ARMC2: variants seen among roughly 807,000 people sequenced by gnomAD.
The protein encoded by ARMC2 is armadillo repeat-containing protein 2.
Under a neutral mutation model 90.3 loss-of-function variants are expected in ARMC2, and 67 were observed. The ratio of observed to expected loss-of-function variants is 0.74; its 90% CI spans 0.61 to 0.91. The LOEUF is 0.91. Ranked by LOEUF, ARMC2 falls within the 40% of genes least tolerant of loss-of-function variation. The probability of loss-of-function intolerance (pLI) is 0.00; values close to 1 mark genes in which losing one functional copy is unlikely to be tolerated. For synonymous variants in ARMC2, 393 were observed against 393.0 expected, an observed-to-expected ratio of 1.00 and a Z score of 0.00; for missense variants, 920 against 1,030.9, an observed-to-expected ratio of 0.89 and a Z score of 1.47.
chr6:109,000,293 A>T, the ARMC2 span: 1 of 423,918 alleles, frequency 2.4e-6, no homozygotes, highest in Non-Finnish European at 4.2e-6. Flanking sequence ...TGTGAACTAT[A>T]GAGTTACTAG....
chr6:109,008,631 C>T, the ARMC2 span: 10 of 221,580 alleles, frequency 4.5e-5, no homozygotes, highest in Admixed American at 6.5e-5. Flanking sequence ...ACTCTGACAG[C>T]ACCTGATTTC....
At chr6:108,930,903 C>CTT (rs533786819) in intron 11 of ARMC2, among the ~76,000 whole-genome samples, 1 of 140,262 alleles carries the variant, frequency 7.1e-6, no homozygotes. Context: ...CCCCCACCCC[C>CTT]TTTTTTTTTT....
At position 108,899,708 on chromosome 6, in the gene ARMC2, C is replaced by T. The variant is rs1771931709; in HGVS notation, c.763C>T (p.Leu255=). 1.9e-6 allele frequency: 3 copies of T among 1,613,508 alleles called. No homozygotes were observed. In the South Asian group the frequency reaches 3.3e-5, roughly 18 times the overall value. Residue 255 remains leucine, a synonymous_variant, in exon 7 of 18, where the codon CTG becomes TTG. Transcript: ENST00000392644. ...TTCTTTTGCAGTCCCAAAAGCTGACCTGCAAGAAGAGGACGCAGAAATAGA... is the reference window on the plus strand; with the variant it reads ...TTCTTTTGCAGTCCCAAAAGCTGACTTGCAAGAAGAGGACGCAGAAATAGA... ...LQTKAVPKAD[L]QEEDAEIEVD...
the ARMC2 span, chr6:108,994,408 A>C: frequency 1.4e-6 from 2 of 1,455,636 alleles, no homozygotes; most frequent in Non-Finnish European, 1.9e-6. Context: ...AAATTCTCTA[A>C]ATAAAAAGTT....
At chr6:108,912,100 T>C (rs1324335673) in intron 9 of ARMC2, among the ~76,000 whole-genome samples, 1 of 152,194 alleles carries the variant, frequency 6.6e-6, no homozygotes, top group Non-Finnish European at 1.5e-5. Context: ...AAAAGAATAC[T>C]TTCTCATTTA....
intron 4 of ARMC2, among the ~76,000 whole-genome samples, chr6:108,874,629 T>C (rs1776758453): frequency 6.6e-6 from 1 of 152,134 alleles, no homozygotes; most frequent in South Asian, 2.1e-4. Flanking sequence ...GGCCACATCA[T>C]TTAAAATCTC....
the ARMC2 span, among the ~76,000 whole-genome samples, chr6:109,025,349 T>G: frequency 6.6e-6 from 1 of 151,930 alleles, no homozygotes; most frequent in Admixed American, 6.6e-5. Flanking sequence ...TAAAGTGGGC[T>G]GGTTATGTCC....
the ARMC2 span, among the ~76,000 whole-genome samples, chr6:108,986,072 CAG>C: frequency 6.7e-6 from 1 of 149,884 alleles, no homozygotes; most frequent in African/African-American, 2.4e-5. Context: ...GAGTAACTAA[CAG>C]AGTTATCATC....
chr6:108,987,827 C>T, the ARMC2 span, among the ~76,000 whole-genome samples: 1 of 83,322 alleles, frequency 1.2e-5, no homozygotes, highest in Non-Finnish European at 2.4e-5. Context: ...TTTTTTGATG[C>T]ACACTTTCAC....
At chr6:109,000,036 A>G in the ARMC2 span, 1 of 152,544 alleles carries the variant, frequency 6.6e-6, no homozygotes, top group South Asian at 2.1e-4. Flanking sequence ...CCAGTCTGAA[A>G]AGCTACATAC....
the ARMC2 span, among the ~76,000 whole-genome samples, chr6:109,020,965 T>A: frequency 1.3e-5 from 2 of 152,208 alleles, no homozygotes; most frequent in African/African-American, 4.8e-5. Context: ...GTCATTATCA[T>A]TAATAATCTC....
At chr6:108,994,364 G>A in the ARMC2 span, 1 of 953,970 alleles carries the variant, frequency 1.0e-6, no homozygotes, top group African/African-American at 1.7e-5. Flanking sequence ...CTAAAAGGAA[G>A]GACATATTTA....
the ARMC2 span, among the ~76,000 whole-genome samples, chr6:109,025,455 AG>A: frequency 6.7e-4 from 102 of 151,526 alleles, 1 homozygote; most frequent in Non-Finnish European, 1.2e-3. Flanking sequence ...CTATGCAAAA[AG>A]ATGCCATTAG....
Position 108,860,757 on chromosome 6 carries a change from CT to C in ARMC2, c.291+2487del, listed in dbSNP as rs554392502. 4.4e-4 allele frequency among the ~76,000 whole-genome samples: 66 copies of C among 151,538 alleles called. No individual in the cohort carries two copies. In the Middle Eastern group the frequency reaches 0.021, roughly 48 times the overall value. On this transcript the variant is annotated intron_variant, in intron 3 of 17. Transcript: ENST00000392644. The stretch of plus-strand genomic sequence containing the variant: ...CACACCTGTAGTTAGGGGGATCTGA[CT>C]GGGCTGTGTTGTTGATGACACCCCA...
At chr6:109,016,000 A>T in the ARMC2 span, among the ~76,000 whole-genome samples, 1 of 152,226 alleles carries the variant, frequency 6.6e-6, no homozygotes, top group African/African-American at 2.4e-5. Context: ...GCATAATATT[A>T]AAAATTATCC....
At chr6:109,032,670 C>T in the ARMC2 span, among the ~76,000 whole-genome samples, 1 of 151,836 alleles carries the variant, frequency 6.6e-6, no homozygotes, top group African/African-American at 2.4e-5. Flanking sequence ...ACATATATAA[C>T]CATGCTAAAA....
chr6:108,910,579 A>G (rs778477230), intron 8 of ARMC2, among the ~76,000 whole-genome samples: 1 of 152,246 alleles, frequency 6.6e-6, no homozygotes, highest in Non-Finnish European at 1.5e-5. Context: ...ACTGCCAGGT[A>G]TATACTCAGA....
At chr6:109,006,829 A>G in the ARMC2 span, among the ~76,000 whole-genome samples, 1 of 152,234 alleles carries the variant, frequency 6.6e-6, no homozygotes, top group Non-Finnish European at 1.5e-5. Context: ...TGGGGTGATC[A>G]TAAGCCAAAC....
intron 5 of ARMC2, among the ~76,000 whole-genome samples, chr6:108,887,238 T>C (rs537974532): frequency 3.3e-5 from 5 of 152,226 alleles, no homozygotes; most frequent in South Asian, 4.1e-4. Flanking sequence ...TAAAGAAATA[T>C]ACTTGTATTT....
Sources: allele counts gnomAD v4.1 joint callset (sites outside exome capture counted in the v4.1 genomes callset), GRCh38; gene constraint gnomAD v4.1.1; transcripts MANE v1.5; gene names NCBI Gene and HGNC (gene_info 2026-07-23, HGNC 2026-07-21).